The following TACC2 variants were observed in gnomAD, a reference collection of about 807,000 sequenced individuals.
The protein encoded by TACC2 is transforming acidic coiled-coil containing protein 2.
A neutral mutation model predicts 227.3 loss-of-function variants in TACC2; 137 were observed. The observed-to-expected ratio is 0.60, with a 90% confidence interval of 0.52 to 0.69. The LOEUF (loss-of-function observed/expected upper bound fraction) is 0.69. TACC2 is among the 30% of genes least tolerant of loss of function. The probability of loss-of-function intolerance (pLI) is 0.00; values close to 1 mark genes in which losing one functional copy is unlikely to be tolerated. For synonymous variants in TACC2, 1,523 were observed against 1,487.5 expected (o/e 1.02, Z -0.55); for missense variants, 3,470 against 3,694.4 (o/e 0.94, Z 1.57).
At chr10:122,081,536 A>AC (rs1394066718) in intron 3 of TACC2, among the ~76,000 whole-genome samples, 1 of 151,656 alleles carries the variant, frequency 6.6e-6, no homozygotes, top group Admixed American at 6.6e-5. Flanking sequence ...TCAAAAAAAA[A>AC]AAAAAAAAGG....
chr10:121,999,012 C>CT (rs201601074), intron 1 of TACC2, among the ~76,000 whole-genome samples: 472 of 142,066 alleles, frequency 3.3e-3, no homozygotes, highest in South Asian at 7.9e-3. Flanking sequence ...TTCTTTCTTT[C>CT]TTTTTTTTTT....
chr10:122,211,249 G>T lies in TACC2; in HGVS notation c.6824G>T (p.Ser2275Ile). The T allele has an allele frequency of 6.2e-7, 1 of 1,614,126 alleles. No homozygotes were observed. The highest frequency in any genetic ancestry group is 1.1e-5 in the South Asian group (1 of 91,060). The change falls in exon 9 of 23, where the codon AGT becomes ATT. Residue 2275 changes from serine (S) to isoleucine (I), a missense_variant. Physicochemically the swap from Ser to Ile is moderately radical, Grantham distance 142 (BLOSUM62 -2). Around this residue, in one of 10 missense-constraint regions of TACC2, gnomAD observed 593 missense variants for 636.6 expected, o/e 0.93. Coordinates refer to ENST00000369005, the MANE Select transcript of TACC2 (RefSeq NM_206862.4). ...TTTGACTATTCTGAGGACAAGAGTA[G>T]TTGGGACAACCAGCAGGAAAACCCC... ...LEFDYSEDKSSWDNQQENPPP... is the reference protein window; with the variant it reads ...LEFDYSEDKSIWDNQQENPPP...
intron 18 of TACC2, among the ~76,000 whole-genome samples, chr10:122,238,415 T>C (rs186357091): frequency 6.4e-4 from 97 of 152,270 alleles, no homozygotes; most frequent in Admixed American, 1.4e-3. Context: ...AATGAGAGCT[T>C]GCAGTATACA....
intron 2 of TACC2, among the ~76,000 whole-genome samples, chr10:122,049,291 C>A (rs577543774): frequency 2.0e-5 from 3 of 152,100 alleles, no homozygotes; most frequent in Non-Finnish European, 4.4e-5. Context: ...TCTCTGCCTG[C>A]GAGCTCTGCC....
chr10:122,047,232 C>T lies in TACC2; in HGVS notation c.34-3206C>T, dbSNP rs528074058. Among the ~76,000 whole-genome samples the T allele has an allele frequency of 4.0e-5, 5 of 124,476 alleles. No individual in the cohort carries two copies. In the South Asian group the frequency reaches 1.1e-3, roughly 27 times the overall value. 81.7% of individuals were successfully genotyped at this position (124,476 alleles called of 152,430 possible). ...TGAATCCGGGAAGCACAGGTTGCAG[C>T]GATCCGAGATGGTGCCACCAAACTC... On this transcript the variant is annotated intron_variant, in intron 2 of 22. Coordinates refer to ENST00000369005, the MANE Select transcript of TACC2 (RefSeq NM_206862.4).
intron 5 of TACC2, among the ~76,000 whole-genome samples, chr10:122,121,319 T>A (rs2085745354): frequency 6.6e-6 from 1 of 152,256 alleles, no homozygotes; most frequent in Non-Finnish European, 1.5e-5. Context: ...TTCGCATGAC[T>A]GGTCACAAGG....
At chr10:122,103,129 C>T (rs2082357973) in intron 5 of TACC2, among the ~76,000 whole-genome samples, 1 of 152,142 alleles carries the variant, frequency 6.6e-6, no homozygotes, top group Admixed American at 6.5e-5. Flanking sequence ...CCTCAGAGTT[C>T]ACCAGTGAAA....
intron 7 of TACC2, chr10:122,192,540 G>A (rs916761413): frequency 7.9e-6 from 3 of 381,294 alleles, no homozygotes; most frequent in African/African-American, 2.1e-5. Flanking sequence ...GCCTCCGGAC[G>A]CTGGAGAAGC....
chr10:122,152,969 G>A (rs952074266), intron 7 of TACC2, among the ~76,000 whole-genome samples: 1 of 149,192 alleles, frequency 6.7e-6, no homozygotes, highest in Non-Finnish European at 1.5e-5. Flanking sequence ...GGCACTGAGA[G>A]CAATGCTTTT....
At chr10:122,135,653 G>A (rs1483356903) in intron 6 of TACC2, among the ~76,000 whole-genome samples, 2 of 152,172 alleles carry the variant, frequency 1.3e-5, no homozygotes, top group Admixed American at 6.5e-5. Context: ...AAATACAGTC[G>A]ATCCTCGTTG....
At chr10:122,163,529 T>C in intron 7 of TACC2, 1 of 977,416 alleles carries the variant, frequency 1.0e-6, no homozygotes, top group Non-Finnish European at 1.2e-6. Flanking sequence ...TTTGTGAAGA[T>C]GCAGGCGTTG....
At chr10:122,240,234 A>G (rs112175745) in intron 18 of TACC2, among the ~76,000 whole-genome samples, 1,763 of 152,308 alleles carry the variant, frequency 0.012, 49 homozygotes, top group African/African-American at 0.041. Context: ...TGTCCTCAGC[A>G]GTGATGAGTG....
At chr10:122,108,613 T>A (rs1460884191) in intron 5 of TACC2, among the ~76,000 whole-genome samples, 2 of 149,190 alleles carry the variant, frequency 1.3e-5, no homozygotes, top group Non-Finnish European at 3.0e-5. Context: ...GCCCAGCTAA[T>A]TTTTGTATGT....
At chr10:122,231,176 T>G (rs2095738877) in intron 16 of TACC2, among the ~76,000 whole-genome samples, 1 of 152,244 alleles carries the variant, frequency 6.6e-6, no homozygotes, top group African/African-American at 2.4e-5. Context: ...TTCGCCTGGC[T>G]TCCAAGTTTG....
rs189789190 is a variant in TACC2, at chr10:122,219,845, C to T, written c.7546+3017C>T. ...TTGAGGTCAGGAGTTTGAAACCAGC[C>T]TGGCCAATATGGAGAAACCCCATCT... On this transcript the variant is annotated intron_variant, in intron 11 of 22. Coordinates refer to ENST00000369005, the MANE Select transcript of TACC2 (RefSeq NM_206862.4). Among the ~76,000 whole-genome samples the T allele has an allele frequency of 1.2e-4, 19 of 152,110 alleles. No homozygotes were observed. The East Asian group carries it at 2.7e-3, about 22-fold the overall frequency.
intron 6 of TACC2, among the ~76,000 whole-genome samples, chr10:122,139,540 C>A (rs2090225435): frequency 1.3e-5 from 2 of 152,342 alleles, no homozygotes; most frequent in South Asian, 4.1e-4. Context: ...AAGTCCCAGG[C>A]CTCCGTGGGA....
rs367994746 is a variant in TACC2, at chr10:122,215,363, G to A, written c.7284-28G>A. 19 of 1,606,788 alleles carry A rather than the reference G, an allele frequency of 1.2e-5. No homozygotes were observed. In the African/African-American group the frequency reaches 2.5e-4, roughly 22 times the overall value. On this transcript the variant is annotated intron_variant, in intron 9 of 22. Transcript: ENST00000369005. ...GGAGTGTTCCGTCCCTCTGCTTGTT[G>A]TGTTTACGTTTTCCATTTTGTTTCC...
At chr10:122,177,712 G>A (rs937211332) in intron 7 of TACC2, among the ~76,000 whole-genome samples, 1 of 152,166 alleles carries the variant, frequency 6.6e-6, no homozygotes, top group African/African-American at 2.4e-5. Context: ...CAAACAAACA[G>A]GATTATTCTG....
intron 3 of TACC2, chr10:122,051,465 G>A: frequency 6.6e-6 from 1 of 152,272 alleles, no homozygotes; most frequent in Non-Finnish European, 1.5e-5. Flanking sequence ...GATACAAGCA[G>A]TAGTCCAGCA....
Sources: gnomAD v4.1 joint callset for allele counts (sites outside exome capture counted in the v4.1 genomes callset) on GRCh38, gnomAD v4.1.1 for gene constraint, gnomAD v4.1.1 regional missense constraint, MANE v1.5 for transcripts, NCBI Gene and HGNC (gene_info 2026-07-23, HGNC 2026-07-21) for gene names.